SYT16: variants seen among roughly 807,000 people sequenced by gnomAD.
SYT16 encodes synaptotagmin 16, also known as synaptotagmin-16.
In SYT16, 42 loss-of-function variants were observed where a neutral mutation model predicts 61.4. That is an observed-to-expected ratio of 0.68 (90% confidence interval 0.53 to 0.89). The LOEUF is 0.89. Ranked by LOEUF, SYT16 falls within the 40% of genes least tolerant of loss-of-function variation. The pLI is 0.00. For missense variants in SYT16, 804 were observed against 807.3 expected (o/e 1.00, Z 0.05); for synonymous variants, 314 against 302.3 (o/e 1.04, Z -0.40).
chr14:61,875,997 G>T (rs1311426725), intron 1 of SYT16, among the ~76,000 whole-genome samples: 2 of 152,196 alleles, frequency 1.3e-5, no homozygotes. Flanking sequence ...TTCTAACCTA[G>T]GGTTCAGATA....
At position 62,081,067 on chromosome 14, in the gene SYT16, G is replaced by A; in HGVS notation, c.1227G>A (p.Gly409=). The part of the protein sequence containing the change: ...KHRGRTNIQR[G]PNPVFREKVT... ...GGGGCAGGACGAACATACAGAGAGG[G>A]CCCAACCCCGTCTTCAGGGAGAAGG... is the stretch of plus-strand genomic sequence containing the variant. The change falls in exon 6 of 8, where the codon GGG becomes GGA. Residue 409 remains glycine, a synonymous_variant. Coordinates refer to ENST00000683842, the MANE Select transcript of SYT16 (RefSeq NM_001367656.1). The A allele has an allele frequency of 6.2e-7, 1 of 1,613,680 alleles. No homozygotes were observed. Among genetic ancestry groups the A allele is most frequent in the Non-Finnish European group, 8.5e-7 (1 of 1,179,768 alleles).
chr14:62,072,788 TC>T (rs1410034833), intron 4 of SYT16, among the ~76,000 whole-genome samples: 3 of 152,084 alleles, frequency 2.0e-5, no homozygotes, highest in African/African-American at 7.2e-5. Context: ...TGGGTGGTGA[TC>T]GGGGAGAGAG....
rs368190283 is a variant in SYT16, at chr14:61,931,799, G to A, written c.-324-38333G>A. 3.9e-5 allele frequency among the ~76,000 whole-genome samples: 6 copies of A among 152,020 alleles called. No individual in the cohort carries two copies. The East Asian group carries it at 1.2e-3, about 29-fold the overall frequency. ...AAGTTTTAGGGTACATGTGCACAAT[G>A]TACATGTTTGTTACATATGTATACA... is the stretch of plus-strand genomic sequence containing the variant. On this transcript the variant is annotated intron_variant, in intron 1 of 7. Transcript: ENST00000683842.
At chr14:62,064,893 G>GT (rs1271067490) in intron 3 of SYT16, among the ~76,000 whole-genome samples, 23 of 152,188 alleles carry the variant, frequency 1.5e-4, no homozygotes, top group Non-Finnish European at 2.6e-4. Flanking sequence ...TTTTATTACT[G>GT]TAACAGTGCC....
At chr14:62,092,374 T>G (rs909894104) in intron 7 of SYT16, among the ~76,000 whole-genome samples, 2 of 151,980 alleles carry the variant, frequency 1.3e-5, no homozygotes, top group Admixed American at 6.6e-5. Context: ...GCAAATCCAT[T>G]TGTGGGTATG....
At chr14:61,941,738 A>T (rs1010580600) in intron 1 of SYT16, among the ~76,000 whole-genome samples, 1 of 152,188 alleles carries the variant, frequency 6.6e-6, no homozygotes, top group African/African-American at 2.4e-5. Flanking sequence ...CAAATGGACA[A>T]ACCCCATCGC....
At chr14:61,870,237 T>C (rs551754585) in intron 1 of SYT16, among the ~76,000 whole-genome samples, 1 of 152,346 alleles carries the variant, frequency 6.6e-6, no homozygotes, top group Admixed American at 6.5e-5. Context: ...TTTTGCTAGA[T>C]ATAGACTTCT....
At chr14:61,929,806 T>G (rs1464609256) in intron 1 of SYT16, among the ~76,000 whole-genome samples, 1 of 152,214 alleles carries the variant, frequency 6.6e-6, no homozygotes, top group Non-Finnish European at 1.5e-5. Context: ...TTTGATGGCT[T>G]AAATATGGTT....
At chr14:61,923,991 C>T (rs555333353) in intron 1 of SYT16, among the ~76,000 whole-genome samples, 42 of 151,990 alleles carry the variant, frequency 2.8e-4, no homozygotes, top group African/African-American at 8.7e-4. Flanking sequence ...AAATCTCAGG[C>T]GAAGTTAATA....
intron 1 of SYT16, among the ~76,000 whole-genome samples, chr14:61,892,741 GA>G (rs1283948869): frequency 1.3e-5 from 2 of 152,204 alleles, no homozygotes; most frequent in African/African-American, 2.4e-5. Flanking sequence ...AGGTACATCA[GA>G]GTGCTGGAGA....
At chr14:62,055,283 A>T (rs1019559191) in intron 3 of SYT16, among the ~76,000 whole-genome samples, 14 of 152,250 alleles carry the variant, frequency 9.2e-5, no homozygotes, top group Non-Finnish European at 1.5e-4. Flanking sequence ...TATAGGAGGC[A>T]TACAAATGAG....
intron 1 of SYT16, among the ~76,000 whole-genome samples, chr14:61,816,904 G>A (rs999347765): frequency 1.3e-4 from 20 of 151,746 alleles, no homozygotes; most frequent in Non-Finnish European, 2.2e-4. Context: ...CCATCTACTC[G>A]GGAGGCTGAG....
chr14:61,848,824 T>C lies in SYT16; in HGVS notation c.-325+36014T>C, dbSNP rs140914708. 2.6e-5 allele frequency among the ~76,000 whole-genome samples: 4 copies of C among 152,288 alleles called. No homozygotes were observed. In the East Asian group the frequency reaches 7.7e-4, roughly 29 times the overall value. ...ACCCTTTTGTGACAGAGCTGGTATC[T>C]AAGCTGCAAGACAAGCCCCCTTTAC... On this transcript the variant is annotated intron_variant, in intron 1 of 7. Coordinates refer to ENST00000683842, the MANE Select transcript of SYT16 (RefSeq NM_001367656.1).
At position 61,961,936 on chromosome 14, in the gene SYT16, A is replaced by G. The variant is rs114417242; in HGVS notation, c.-324-8196A>G. On this transcript the variant is annotated intron_variant, in intron 1 of 7. Coordinates refer to ENST00000683842, the MANE Select transcript of SYT16 (RefSeq NM_001367656.1). ...ATATGCTGTGGAATACTACATAGCC[A>G]TAGAAAAGAATGAGATTATGTCCTT... Among the ~76,000 whole-genome samples, 674 of 152,330 alleles carry G rather than the reference A, an allele frequency of 4.4e-3. 5 individuals carry two copies. The highest frequency in any genetic ancestry group is 0.016 in the African/African-American group (646 of 41,578).
At chr14:61,906,571 C>T (rs1245308302) in intron 1 of SYT16, among the ~76,000 whole-genome samples, 1 of 152,100 alleles carries the variant, frequency 6.6e-6, no homozygotes, top group Non-Finnish European at 1.5e-5. Flanking sequence ...ATTTGTAAAT[C>T]ATCTCCTATA....
intron 1 of SYT16, among the ~76,000 whole-genome samples, chr14:61,911,345 T>A (rs1039964475): frequency 6.6e-6 from 1 of 152,168 alleles, no homozygotes; most frequent in Admixed American, 6.5e-5. Context: ...TTAGGTAGTT[T>A]TAAGTATTTT....
At chr14:61,970,548 C>G (rs930286209) in intron 2 of SYT16, among the ~76,000 whole-genome samples, 1 of 152,152 alleles carries the variant, frequency 6.6e-6, no homozygotes, top group African/African-American at 2.4e-5. Flanking sequence ...AATATGTGTT[C>G]TGTTTGACAA....
intron 2 of SYT16, among the ~76,000 whole-genome samples, chr14:61,988,202 T>G (rs1020071266): frequency 3.3e-5 from 5 of 152,204 alleles, no homozygotes; most frequent in Non-Finnish European, 5.9e-5. Flanking sequence ...GACAATAAGA[T>G]TCTTCCTCAT....
intron 1 of SYT16, among the ~76,000 whole-genome samples, chr14:61,901,420 A>G (rs568378468): frequency 7.7e-4 from 118 of 152,296 alleles, no homozygotes; most frequent in Non-Finnish European, 1.0e-3. Context: ...TGAGGAGGGA[A>G]GCTAAACAAC....
Sources: gnomAD v4.1 joint callset for allele counts (sites outside exome capture counted in the v4.1 genomes callset) on GRCh38, gnomAD v4.1.1 for gene constraint, MANE v1.5 for transcripts, NCBI Gene and HGNC (gene_info 2026-07-23, HGNC 2026-07-21) for gene names.